WDR11: variants seen among roughly 807,000 people sequenced by gnomAD.
WDR11 encodes WD repeat domain 11.
In WDR11, 83 loss-of-function variants were observed where a neutral mutation model predicts 151.2. The observed-to-expected ratio is 0.55, with a 90% confidence interval of 0.46 to 0.66. WDR11 has a LOEUF of 0.66. Among genes scored for constraint, WDR11 ranks in the 30% least tolerant of loss-of-function variants. The probability of loss-of-function intolerance (pLI) is 0.00; values close to 1 mark genes in which losing one functional copy is unlikely to be tolerated. For synonymous variants in WDR11, 484 were observed against 533.1 expected, an observed-to-expected ratio of 0.91 and a Z score of 1.27; for missense variants, 1,301 against 1,480.9, an observed-to-expected ratio of 0.88 and a Z score of 1.99.
At chr10:120,904,233 ATAT>A (rs1847948947) in intron 24 of WDR11, 91 bp downstream of exon 24, 3 of 1,059,224 alleles carry the variant, frequency 2.8e-6, no homozygotes, top group Non-Finnish European at 4.3e-6. Context: ...ATATTTCATA[ATAT>A]TTTCCCCTTG....
In WDR11 at chr10:120,905,428, C is replaced by T; in HGVS notation, c.3291+12C>T. On this transcript the variant is annotated intron_variant, in intron 26 of 28. Coordinates refer to ENST00000263461, the MANE Select transcript of WDR11 (RefSeq NM_018117.12). ...CATGGCTGGCAAAAGTAGGTGGTTC[C>T]AAGTTTCAATAGGTGCCCTCAACAT... 1 of 1,613,956 alleles carries T rather than the reference C, an allele frequency of 6.2e-7. No individual in the cohort carries two copies. Among genetic ancestry groups the T allele is most frequent in the Middle Eastern group, 1.7e-4 (1 of 6,060 alleles).
chr10:120,891,018 AT>A lies in WDR11; in HGVS notation c.2515+132del, dbSNP rs1847413300. The A allele has an allele frequency of 4.1e-6, 4 of 980,042 alleles. No homozygotes were observed. In the African/African-American group the frequency reaches 4.9e-5, roughly 12 times the overall value. 60.7% of individuals were successfully genotyped at this position (980,042 alleles called of 1,614,324 possible). On this transcript the variant is annotated intron_variant, in intron 19 of 28. Coordinates refer to ENST00000263461, the MANE Select transcript of WDR11 (RefSeq NM_018117.12). ...TTTCTTAGAATCTGAGTTTAAGAAA[AT>A]ATATTAACTTGAAGCTTGAGTGTTT... is the stretch of plus-strand genomic sequence containing the variant.
Position 120,865,026 on chromosome 10 carries a change from GT to G in WDR11, c.714-20del. The G allele has an allele frequency of 6.2e-7, 1 of 1,613,380 alleles. No homozygotes were observed. The highest frequency in any genetic ancestry group is 8.5e-7 in the Non-Finnish European group (1 of 1,179,468). ...GATATAAATGAAGTCTTTGACCCAAGTGAATGTTTACTTTTTTCAGTGCTGA... is the reference window on the plus strand; with the variant it reads ...GATATAAATGAAGTCTTTGACCCAAGGAATGTTTACTTTTTTCAGTGCTGA... On this transcript the variant is annotated intron_variant, in intron 5 of 28. Coordinates refer to ENST00000263461, the MANE Select transcript of WDR11 (RefSeq NM_018117.12).
chr10:120,890,016 C>T lies in WDR11; in HGVS notation c.2343+7C>T. The T allele has an allele frequency of 6.4e-7, 1 of 1,558,078 alleles. No homozygotes were observed. Among genetic ancestry groups the T allele is most frequent in the South Asian group, 1.1e-5 (1 of 89,718 alleles). ...AGTGTGGGATACTAAAGAGGTAGGC[C>T]CTCTCCATGAGGATAAAACGTAAAT... On this transcript the variant is annotated splice_region_variant and intron_variant, in intron 18 of 28. Coordinates refer to ENST00000263461, the MANE Select transcript of WDR11 (RefSeq NM_018117.12).
rs11199621 is a variant in WDR11, at chr10:120,880,385, C to T, written c.1664-441C>T. The T allele has an allele frequency of 6.0e-3, 959 of 160,758 alleles. 8 individuals carry two copies. Among genetic ancestry groups the T allele is most frequent in the Middle Eastern group, 0.022 (7 of 316 alleles). 10.0% of individuals were successfully genotyped at this position (160,758 alleles called of 1,614,324 possible). A position where few individuals can be genotyped will look rare whatever the true frequency, so the allele number is the denominator to read the frequency against. ...TAGAAACAGCTTAGAAGGAACTGGG[C>T]GCCGTGGCTCACACCTGTAATCCCA... On this transcript the variant is annotated intron_variant, in intron 12 of 28. Transcript: ENST00000263461.
intron 26 of WDR11, 33 bp downstream of exon 26, chr10:120,905,449 A>G (rs368041198): frequency 1.0e-4 from 165 of 1,608,528 alleles, no homozygotes; most frequent in Non-Finnish European, 1.4e-4. Flanking sequence ...AGGTGCCCTC[A>G]ACATTCGGGA....
chr10:120,864,707 C>CAAAGTA (rs1424403274), intron 5 of WDR11, among the ~76,000 whole-genome samples: 1 of 152,050 alleles, frequency 6.6e-6, no homozygotes, highest in Non-Finnish European at 1.5e-5. Context: ...CTTTTAATGA[C>CAAAGTA]AAAGTAAAAG....
In WDR11 at chr10:120,894,688, A is replaced by G. The variant is rs78612234; in HGVS notation, c.2515+3801A>G. On this transcript the variant is annotated intron_variant, in intron 19 of 28. Transcript: ENST00000263461. ...CTTACTGATTTTCTGCATTCCTGTC[A>G]TGTAGGTAGCTAAAAACCTGGGTGT... Among the ~76,000 whole-genome samples, 1,224 of 152,248 alleles carry G rather than the reference A, an allele frequency of 8.0e-3. 16 individuals are homozygous for G. Among genetic ancestry groups the G allele is most frequent in the African/African-American group, 0.025 (1,052 of 41,526 alleles).
chr10:120,889,125 A>C lies in WDR11; in HGVS notation c.2169A>C (p.Leu723Phe), dbSNP rs780243898. ...ITCIAWKGDT[L>F]VLGDMDGNLN... ...GCATCGCTTGGAAAGGTGATACATTAGTGCTTGGAGATATGGATGGAAATT... is the reference window on the plus strand; with the variant it reads ...GCATCGCTTGGAAAGGTGATACATTCGTGCTTGGAGATATGGATGGAAATT... Residue 723 changes from leucine (L) to phenylalanine (F), a missense_variant, in exon 17 of 29, where the codon TTA (leucine) becomes TTC (phenylalanine). Around this residue, in one of 3 missense-constraint regions of WDR11, gnomAD observed 589 missense variants for 670.6 expected, o/e 0.88. Coordinates refer to ENST00000263461, the MANE Select transcript of WDR11 (RefSeq NM_018117.12). The C allele has an allele frequency of 6.2e-7, 1 of 1,614,076 alleles. No individual in the cohort carries two copies. Among genetic ancestry groups the C allele is most frequent in the Non-Finnish European group, 8.5e-7 (1 of 1,179,976 alleles).
intron 2 of WDR11, among the ~76,000 whole-genome samples, chr10:120,854,878 G>A (rs924315492): frequency 6.6e-6 from 1 of 152,076 alleles, no homozygotes; most frequent in Non-Finnish European, 1.5e-5. Context: ...AGATTTCTTT[G>A]TATACAGTAG....
rs575674646 is a variant in WDR11, at chr10:120,857,191, G to C, written c.199-1452G>C. On this transcript the variant is annotated intron_variant, in intron 2 of 28. Transcript: ENST00000263461. ...TAAACAGTGAAGTCACCAGCAAAAG[G>C]AACAAAAATGTGAAAAATGTGGTAC... Among the ~76,000 whole-genome samples, 3 of 152,186 alleles carry C rather than the reference G, an allele frequency of 2.0e-5. No homozygotes were observed. In the South Asian group the frequency reaches 6.2e-4, roughly 32 times the overall value.
chr10:120,881,026 G>A (rs1322417106), intron 13 of WDR11, 125 bp downstream of exon 13: 2 of 785,560 alleles, frequency 2.5e-6, no homozygotes, highest in East Asian at 5.4e-5. Flanking sequence ...ATAGCAAATG[G>A]TGATATGCAG....
At chr10:120,891,273 T>C (rs1020932101) in intron 19 of WDR11, among the ~76,000 whole-genome samples, 1 of 152,224 alleles carries the variant, frequency 6.6e-6, no homozygotes, top group African/African-American at 2.4e-5. Flanking sequence ...TGCAACCATA[T>C]ATCATTGAAA....
intron 19 of WDR11, among the ~76,000 whole-genome samples, chr10:120,893,338 A>G (rs867098236): frequency 1.3e-5 from 2 of 152,164 alleles, no homozygotes; most frequent in South Asian, 2.1e-4. Flanking sequence ...TACAAATGAC[A>G]TGAACTCATC....
chr10:120,878,579 A>G, intron 12 of WDR11, 120 bp downstream of exon 12: 2 of 756,412 alleles, frequency 2.6e-6, no homozygotes, highest in Non-Finnish European at 2.2e-6. Flanking sequence ...ATGCTTATAT[A>G]TTTATTCTTT....
At chr10:120,852,245 C>T (rs375886874) in intron 1 of WDR11, 3 of 401,866 alleles carry the variant, frequency 7.5e-6, no homozygotes, top group African/African-American at 4.1e-5. Context: ...CCTACAAGAA[C>T]AGTCAGAGGG....
intron 26 of WDR11, 55 bp from the exon 27 acceptor site, chr10:120,905,821 T>G (rs1456876685): frequency 6.2e-7 from 1 of 1,613,896 alleles, no homozygotes; most frequent in African/African-American, 1.3e-5. Flanking sequence ...GAATTATTAT[T>G]TTTTCTTTAT....
In WDR11 at chr10:120,909,045, G is replaced by GATTA; in HGVS notation, c.*334_*337dup. ...AAGAGACTGAATCACTTTTCTCATT[G>GATTA]ATTAAATGTAAAGATTATTGAGAAA... On this transcript the variant is annotated 3_prime_UTR_variant, in exon 29 of 29. Transcript: ENST00000263461. The GATTA allele has an allele frequency of 3.1e-6, 1 of 320,830 alleles. No homozygotes were observed. The highest frequency in any genetic ancestry group is 5.9e-6 in the Non-Finnish European group (1 of 168,818). 19.9% of individuals were successfully genotyped at this position (320,830 alleles called of 1,614,324 possible).
intron 19 of WDR11, among the ~76,000 whole-genome samples, chr10:120,895,073 GC>G (rs1847561675): frequency 6.6e-6 from 1 of 152,158 alleles, no homozygotes; most frequent in Admixed American, 6.5e-5. Flanking sequence ...TGTCTTGCTT[GC>G]ATGATGTAAA....
Sources: gnomAD v4.1 joint callset for allele counts (sites outside exome capture counted in the v4.1 genomes callset) on GRCh38, gnomAD v4.1.1 for gene constraint, gnomAD v4.1.1 regional missense constraint, MANE v1.5 for transcripts, NCBI Gene and HGNC (gene_info 2026-07-23, HGNC 2026-07-21) for gene names.